Variants in CAMKMT observed in about 807,000 individuals in gnomAD.
CAMKMT encodes calmodulin-lysine N-methyltransferase, also known as CaM KMT.
Under a neutral mutation model 48.0 loss-of-function variants are expected in CAMKMT, and 53 were observed. The ratio of observed to expected loss-of-function variants is 1.10; its 90% CI spans 0.89 to 1.39. The LOEUF (loss-of-function observed/expected upper bound fraction) is 1.39. Ranked by LOEUF, CAMKMT falls within the 40% of genes most tolerant of loss-of-function variation. The pLI is 0.00. For synonymous variants in CAMKMT, 165 were observed against 152.3 expected, an observed-to-expected ratio of 1.08 and a Z score of -0.61; for missense variants, 428 against 402.7, an observed-to-expected ratio of 1.06 and a Z score of -0.54.
intron 3 of CAMKMT, among the ~76,000 whole-genome samples, chr2:44,479,345 G>A (rs1225088171): frequency 2.0e-5 from 3 of 152,166 alleles, no homozygotes; most frequent in African/African-American, 7.2e-5. Flanking sequence ...ATTAGCAACT[G>A]GGGAACAACT....
chr2:44,513,268 G>A (rs191608685), intron 3 of CAMKMT, among the ~76,000 whole-genome samples: 434 of 130,688 alleles, frequency 3.3e-3, no homozygotes, highest in Middle Eastern at 0.013. Context: ...CACAGAATGC[G>A]ACAAGGGCCA....
chr2:44,537,380 T>C (rs1666833815), intron 3 of CAMKMT, among the ~76,000 whole-genome samples: 1 of 152,174 alleles, frequency 6.6e-6, no homozygotes, highest in South Asian at 2.1e-4. Flanking sequence ...CATTTATCAG[T>C]AGAAGACATA....
chr2:44,386,144 G>T (rs1680758205), intron 2 of CAMKMT, among the ~76,000 whole-genome samples: 2 of 151,860 alleles, frequency 1.3e-5, no homozygotes, highest in Admixed American at 1.3e-4. Flanking sequence ...TACCATTTCA[G>T]TCTCGCTGCT....
At chr2:44,496,150 C>G (rs2104727202) in intron 3 of CAMKMT, among the ~76,000 whole-genome samples, 1 of 152,262 alleles carries the variant, frequency 6.6e-6, no homozygotes, top group Non-Finnish European at 1.5e-5. Context: ...TTTACACTGT[C>G]CTTTATATTG....
intron 3 of CAMKMT, among the ~76,000 whole-genome samples, chr2:44,673,455 GAGAA>G (rs1237993844): frequency 3.0e-5 from 4 of 134,002 alleles, no homozygotes; most frequent in African/African-American, 8.7e-5. Flanking sequence ...GAGAGAGAAA[GAGAA>G]AGAAAGAGAG....
intron 3 of CAMKMT, among the ~76,000 whole-genome samples, chr2:44,668,757 C>T (rs1395131447): frequency 6.6e-6 from 1 of 152,030 alleles, no homozygotes; most frequent in Non-Finnish European, 1.5e-5. Flanking sequence ...AAATTTTTGC[C>T]ATCATTTACT....
intron 3 of CAMKMT, among the ~76,000 whole-genome samples, chr2:44,415,616 G>T (rs906212055): frequency 2.0e-5 from 3 of 151,902 alleles, no homozygotes; most frequent in African/African-American, 7.3e-5. Context: ...AGAGCAAATT[G>T]TGTGTGTGTG....
chr2:44,713,822 A>G (rs1678017977), intron 6 of CAMKMT, among the ~76,000 whole-genome samples: 1 of 152,156 alleles, frequency 6.6e-6, no homozygotes, highest in African/African-American at 2.4e-5. Flanking sequence ...TGGGTTAAAA[A>G]GTCCTGTGGC....
intron 3 of CAMKMT, among the ~76,000 whole-genome samples, chr2:44,402,177 A>C (rs1067324): frequency 0.011 from 1,622 of 152,212 alleles, 9 homozygotes; most frequent in Non-Finnish European, 0.016. Flanking sequence ...AGATACAAAA[A>C]AATTAGCCAG....
chr2:44,679,169 T>G (rs1675880162), intron 3 of CAMKMT, among the ~76,000 whole-genome samples: 1 of 152,190 alleles, frequency 6.6e-6, no homozygotes, highest in Non-Finnish European at 1.5e-5. Flanking sequence ...CTCCAGTGTT[T>G]TGGGGCCTGT....
chr2:44,595,334 G>A (rs777789473), intron 3 of CAMKMT, among the ~76,000 whole-genome samples: 39 of 152,156 alleles, frequency 2.6e-4, no homozygotes, highest in Non-Finnish European at 4.4e-4. Context: ...ATGAACTCCC[G>A]ACCGCAGGTG....
intron 3 of CAMKMT, among the ~76,000 whole-genome samples, chr2:44,427,832 G>A (rs1303556648): frequency 6.6e-6 from 1 of 152,132 alleles, no homozygotes; most frequent in Non-Finnish European, 1.5e-5. Flanking sequence ...TGAAATGGGA[G>A]AGTTCCTTTG....
At chr2:44,746,739 G>A (rs1429428715) in intron 8 of CAMKMT, among the ~76,000 whole-genome samples, 1 of 152,138 alleles carries the variant, frequency 6.6e-6, no homozygotes, top group Non-Finnish European at 1.5e-5. Context: ...AAAAAAACCT[G>A]CCTATTAAGT....
intron 7 of CAMKMT, among the ~76,000 whole-genome samples, chr2:44,741,386 C>T (rs145770628): frequency 6.6e-6 from 1 of 152,316 alleles, no homozygotes; most frequent in East Asian, 1.9e-4. Flanking sequence ...CCAGGAAGCA[C>T]CATTCTCATT....
intron 3 of CAMKMT, among the ~76,000 whole-genome samples, chr2:44,678,202 A>G (rs368108404): frequency 6.6e-6 from 1 of 152,216 alleles, no homozygotes; most frequent in East Asian, 1.9e-4. Context: ...AATTTTTTAA[A>G]TGCGTGAAAA....
intron 3 of CAMKMT, among the ~76,000 whole-genome samples, chr2:44,680,639 GAT>G (rs1675962692): frequency 6.6e-6 from 1 of 152,172 alleles, no homozygotes; most frequent in South Asian, 2.1e-4. Flanking sequence ...ATTTTCACAT[GAT>G]GCCACTTAAT....
intron 3 of CAMKMT, among the ~76,000 whole-genome samples, chr2:44,477,722 A>G (rs1668759791): frequency 6.6e-6 from 1 of 152,238 alleles, no homozygotes; most frequent in South Asian, 2.1e-4. Flanking sequence ...TGTTCGCACT[A>G]AAGAATAGTC....
At chr2:44,578,603 G>A (rs1231424144) in intron 3 of CAMKMT, among the ~76,000 whole-genome samples, 1 of 152,110 alleles carries the variant, frequency 6.6e-6, no homozygotes, top group Non-Finnish European at 1.5e-5. Flanking sequence ...GGCTAACACT[G>A]GCCTTTAGCA....
intron 9 of CAMKMT, among the ~76,000 whole-genome samples, chr2:44,755,271 A>G (rs114206815): frequency 0.019 from 2,828 of 152,224 alleles, 41 homozygotes; most frequent in South Asian, 0.033. Flanking sequence ...CCAGATCTTG[A>G]GGCAAGGAAG....
Sources: allele counts gnomAD v4.1 joint callset (sites outside exome capture counted in the v4.1 genomes callset), GRCh38; gene constraint gnomAD v4.1.1; transcripts MANE v1.5; gene names NCBI Gene and HGNC (gene_info 2026-07-23, HGNC 2026-07-21).